Variants in PIEZO1 observed in about 807,000 individuals in gnomAD.
PIEZO1 encodes the protein piezo type mechanosensitive ion channel component 1 (Er blood group), also known as piezo-type mechanosensitive ion channel component 1.
PIEZO1 carries 296 observed loss-of-function variants against 297.2 expected under a neutral mutation model. That is an observed-to-expected ratio of 1.00 (90% CI 0.91 to 1.10). The LOEUF (loss-of-function observed/expected upper bound fraction) is 1.10, where lower values mean the gene tolerates loss of function less well. Among genes scored for constraint, PIEZO1 ranks in the 50% least tolerant of loss-of-function variants. The probability of loss-of-function intolerance (pLI) is 0.00; values close to 1 mark genes in which losing one functional copy is unlikely to be tolerated. For synonymous variants in PIEZO1, 2,427 were observed against 1,507.5 expected, an observed-to-expected ratio of 1.61 and a Z score of -14.13; for missense variants, 5,018 against 3,455.5, an observed-to-expected ratio of 1.45 and a Z score of -11.34.
chr16:88,771,708 C>T (rs1265349559), intron 1 of PIEZO1, among the ~76,000 whole-genome samples: 1 of 152,178 alleles, frequency 6.6e-6, no homozygotes, highest in African/African-American at 2.4e-5. Context: ...GTGGAGCCGA[C>T]GTCCAGATGC....
In PIEZO1 at chr16:88,759,789, C is replaced by T. The variant is rs571912280; in HGVS notation, c.65-10310G>A. 1.4e-3 allele frequency among the ~76,000 whole-genome samples: 210 copies of T among 152,300 alleles called. No individual in the cohort carries two copies. In the Middle Eastern group the frequency reaches 0.017, roughly 12 times the overall value. Reference sequence around the variant, plus strand: ...GCCCGCCCCCAGACGCCCCGTGCAGCGTTCACAGCAAGGTCTATGGAGGTT... The same window carrying T: ...GCCCGCCCCCAGACGCCCCGTGCAGTGTTCACAGCAAGGTCTATGGAGGTT... On this transcript the variant is annotated intron_variant, in intron 1 of 50. Transcript: ENST00000301015.
chr16:88,720,015 C>T lies in PIEZO1; in HGVS notation c.6164+54G>A. The T allele has an allele frequency of 1.9e-6, 3 of 1,548,988 alleles. No individual in the cohort carries two copies. The South Asian group carries it at 3.6e-5, about 18-fold the overall frequency. ...CATCAGAAACAGCCCCGCAGGGCCCCCAGCCTGCACTGCCCCGCCCCTGGA... is the reference window on the plus strand; with the variant it reads ...CATCAGAAACAGCCCCGCAGGGCCCTCAGCCTGCACTGCCCCGCCCCTGGA... On this transcript the variant is annotated intron_variant, in intron 42 of 50. Transcript: ENST00000301015.
chr16:88,733,988 C>T lies in PIEZO1; in HGVS notation c.2247G>A (p.Gln749=), dbSNP rs1421690402. The stretch of plus-strand genomic sequence containing the variant: ...AGTCCTCCTCCTCCTCCTCCTCCTC[C>T]TGCTGCTGCTGCTGATGCTCCTGCT... ...EEQQEHQQQQ[Q]EEEEEEEDSR... is the part of the protein sequence containing the mutation. Residue 749 remains glutamine, a synonymous_variant, in exon 17 of 51, where the codon CAG becomes CAA. Transcript: ENST00000301015. The T allele has an allele frequency of 1.6e-6, 2 of 1,213,120 alleles. No homozygotes were observed. The highest frequency in any genetic ancestry group is 2.3e-6 in the Non-Finnish European group (2 of 862,644). The allele number at this position is 1,213,120 out of a possible 1,614,324, so 75.1% of individuals were successfully genotyped here. A position where few individuals can be genotyped will look rare whatever the true frequency, so the allele number is the denominator to read the frequency against.
chr16:88,767,126 C>T (rs899711218), intron 1 of PIEZO1, among the ~76,000 whole-genome samples: 1 of 152,210 alleles, frequency 6.6e-6, no homozygotes, highest in African/African-American at 2.4e-5. Flanking sequence ...AGCTTCTTCC[C>T]GGATTGAGCT....
intron 10 of PIEZO1, 162 bp downstream of exon 10, chr16:88,737,397 G>A (rs1905292487): frequency 5.1e-6 from 3 of 584,604 alleles, no homozygotes; most frequent in Non-Finnish European, 9.0e-6. Context: ...GGGGGTCTCG[G>A]GGGTCACTGA....
Position 88,725,500 on chromosome 16 carries a change from TG to T in PIEZO1, c.4077del (p.Lys1360SerfsTer93). ...CGGCCCTGCCTGTGCTTCTCCTGCT[TG>T]GCACGGATACGCTCCATCCTGTGGT... ...QLKRQMERIR[A>X]KQEKHRQGRV... On this transcript the variant is annotated frameshift_variant, in exon 29 of 51. Coordinates refer to ENST00000301015, the MANE Select transcript of PIEZO1 (RefSeq NM_001142864.4). LOFTEE classifies it high-confidence loss of function. The T allele has an allele frequency of 6.5e-7, 1 of 1,529,480 alleles. No homozygotes were observed. Among genetic ancestry groups the T allele is most frequent in the African/African-American group, 1.4e-5 (1 of 72,594 alleles). The allele number at this position is 1,529,480 out of a possible 1,614,324, so 94.7% of individuals were successfully genotyped here.
chr16:88,734,926 G>C lies in PIEZO1; in HGVS notation c.1797C>G (p.Val599=), dbSNP rs1217615579. The change falls in exon 14 of 51, where the codon GTC becomes GTG. Residue 599 remains valine (V), a synonymous_variant. Coordinates refer to ENST00000301015, the MANE Select transcript of PIEZO1 (RefSeq NM_001142864.4). ...AGAGGAACATGTAGACAATCTTGTA[G>C]ACCACGAGGCGGCCGGCGAAGCTGA... The part of the protein sequence containing the change: ...IVVSFAGRLV[V]YKIVYMFLFL... 3.9e-6 allele frequency: 6 copies of C among 1,550,316 alleles called. No individual in the cohort carries two copies. Among genetic ancestry groups the C allele is most frequent in the Non-Finnish European group, 5.2e-6 (6 of 1,146,980 alleles).
At position 88,737,948 on chromosome 16, in the gene PIEZO1, G is replaced by T; in HGVS notation, c.1006C>A (p.Arg336Ser). Residue 336 changes from arginine to serine, a missense_variant, in exon 8 of 51, where the codon CGC (arginine) becomes AGC (serine). Physicochemically the swap from Arg to Ser is moderately radical, Grantham distance 110. Coordinates refer to ENST00000301015, the MANE Select transcript of PIEZO1 (RefSeq NM_001142864.4). ...TASLRKLRAYRPSGQRKEAAK... is the reference protein window; with the variant it reads ...TASLRKLRAYSPSGQRKEAAK... ...CAGGTGCTCACCTGGCCGGAGGGGC[G>T]GTACGCGCGGAGCTTGCGCAGAGAG... 1.3e-6 allele frequency: 2 copies of T among 1,530,174 alleles called. No individual in the cohort carries two copies. The highest frequency in any genetic ancestry group is 1.7e-6 in the Non-Finnish European group (2 of 1,143,138). 94.8% of individuals were successfully genotyped at this position (1,530,174 alleles called of 1,614,324 possible). A position where few individuals can be genotyped will look rare whatever the true frequency, so the allele number is the denominator to read the frequency against.
At chr16:88,720,836 C>G (rs1411361518) in intron 39 of PIEZO1, 88 bp from the exon 40 acceptor site, 2 of 1,356,632 alleles carry the variant, frequency 1.5e-6, no homozygotes, top group Non-Finnish European at 1.9e-6. Context: ...CTGGCATTCT[C>G]CCTGTTTGAC....
At chr16:88,747,227 A>T (rs1227294658) in intron 2 of PIEZO1, among the ~76,000 whole-genome samples, 1 of 129,514 alleles carries the variant, frequency 7.7e-6, no homozygotes, top group African/African-American at 2.9e-5. Context: ...CAAGACCCCC[A>T]CTCGAAAAAA....
chr16:88,727,144 G>A lies in PIEZO1; in HGVS notation c.3350C>T (p.Ser1117Leu), dbSNP rs587777765. The change falls in exon 24 of 51, where the codon TCA becomes TTA. Residue 1117 changes from serine (S) to leucine (L), a missense_variant. Physicochemically the swap from Ser to Leu is moderately radical, Grantham distance 145 (BLOSUM62 -2). Coordinates refer to ENST00000301015, the MANE Select transcript of PIEZO1 (RefSeq NM_001142864.4). The part of the protein sequence containing the change: ...LCASQQWQVF[S>L]AERTEEWQRM... Reference sequence around the variant, plus strand: ...CTGCCACTCCTCTGTGCGCTCAGCTGAGAACACCTGCCACTGCTGGGAGGC... The same window carrying A: ...CTGCCACTCCTCTGTGCGCTCAGCTAAGAACACCTGCCACTGCTGGGAGGC... 7.1e-6 allele frequency: 11 copies of A among 1,549,412 alleles called. No homozygotes were observed. Among genetic ancestry groups the A allele is most frequent in the Non-Finnish European group, 9.6e-6 (11 of 1,146,358 alleles).
chr16:88,770,332 G>A (rs561735372), intron 1 of PIEZO1, among the ~76,000 whole-genome samples: 3 of 152,244 alleles, frequency 2.0e-5, no homozygotes, highest in South Asian at 2.1e-4. Flanking sequence ...CCCCCCAGCC[G>A]GGCCCCGCCT....
chr16:88,729,784 G>T (rs868318973), intron 22 of PIEZO1, among the ~76,000 whole-genome samples: 3 of 137,108 alleles, frequency 2.2e-5, no homozygotes, highest in South Asian at 2.5e-4. Context: ...CCCAGGACAT[G>T]CTGAACCCAC....
Position 88,720,691 on chromosome 16 carries a change from C to T in PIEZO1, c.5726G>A (p.Arg1909Lys). The T allele has an allele frequency of 5.2e-6, 8 of 1,541,744 alleles. 1 individual carries two copies. In the South Asian group the frequency reaches 7.2e-5, roughly 14 times the overall value. Residue 1909 changes from arginine (R) to lysine (K), a missense_variant, in exon 40 of 51, where the codon AGA becomes AAA. By Grantham distance (26) the Arg-to-Lys change is conservative. Coordinates refer to ENST00000301015, the MANE Select transcript of PIEZO1 (RefSeq NM_001142864.4). Reference protein sequence around the residue: ...GEEEKEAPTGREKRPSRSGGR... With the variant: ...GEEEKEAPTGKEKRPSRSGGR... Reference sequence around the variant, plus strand: ...TCCAGAGCGGCTTGGCCTCTTCTCTCTCCCCGTGGGGGCCTCTTTCTCTTC... The same window carrying T: ...TCCAGAGCGGCTTGGCCTCTTCTCTTTCCCCGTGGGGGCCTCTTTCTCTTC...
In PIEZO1 at chr16:88,726,783, G is replaced by A. The variant is rs142506765; in HGVS notation, c.3631C>T (p.Arg1211Cys). 352 of 1,550,236 alleles carry A rather than the reference G, an allele frequency of 2.3e-4. No homozygotes were observed. Among genetic ancestry groups the A allele is most frequent in the Non-Finnish European group, 2.7e-4 (312 of 1,146,868 alleles). The part of the protein sequence containing the change: ...TALLQRDTRA[R>C]LVLWDCLILY... ...ATGAGGCAGTCCCACAGCACGAGGC[G>A]GGCCCGTGTGTCCCTCTGCAGCAGG... The change falls in exon 25 of 51, where the codon CGC (arginine) becomes TGC (cysteine). Residue 1211 changes from arginine to cysteine, a missense_variant. Transcript: ENST00000301015.
At chr16:88,749,833 G>A (rs1906292964) in intron 1 of PIEZO1, among the ~76,000 whole-genome samples, 1 of 152,308 alleles carries the variant, frequency 6.6e-6, no homozygotes, top group South Asian at 2.1e-4. Context: ...TTCAAGACCA[G>A]CCTGGCCAAC....
At chr16:88,745,816 G>C (rs1455955588) in intron 2 of PIEZO1, 1 of 151,944 alleles carries the variant, frequency 6.6e-6, no homozygotes, top group African/African-American at 2.4e-5. Flanking sequence ...GAGGAAACAG[G>C]AAGGGGCGGG....
Position 88,726,659 on chromosome 16 carries a change from G to C in PIEZO1, c.3700-16C>G, listed in dbSNP as rs766964175. 5.5e-5 allele frequency: 83 copies of C among 1,522,534 alleles called. No homozygotes were observed. The highest frequency in any genetic ancestry group is 5.9e-5 in the Non-Finnish European group (66 of 1,127,128). 94.3% of individuals were successfully genotyped at this position (1,522,534 alleles called of 1,614,324 possible). A position where few individuals can be genotyped will look rare whatever the true frequency, so the allele number is the denominator to read the frequency against. On this transcript the variant is annotated splice_polypyrimidine_tract_variant and intron_variant, in intron 25 of 50. Transcript: ENST00000301015. ...AGGCCAGGAGCTGGGGGAGAGCAGG[G>C]TCAGCGGGGCCAGCGGGGCCCCAGG...
At chr16:88,720,913 CTCTG>C (rs1205391602) in intron 39 of PIEZO1, among the ~76,000 whole-genome samples, 165 bp from the exon 40 acceptor site, 5 of 152,172 alleles carry the variant, frequency 3.3e-5, no homozygotes, top group African/African-American at 4.8e-5. Context: ...GGGCTGTGTC[CTCTG>C]TCTGGGGCAA....
Sources: allele counts gnomAD v4.1 joint callset (sites outside exome capture counted in the v4.1 genomes callset), GRCh38; gene constraint gnomAD v4.1.1; transcripts MANE v1.5; gene names NCBI Gene and HGNC (gene_info 2026-07-23, HGNC 2026-07-21).